Variants in KAZN observed in about 807,000 individuals in gnomAD.
The protein encoded by KAZN is kazrin.
Under a neutral mutation model 87.4 loss-of-function variants are expected in KAZN, and 40 were observed. The ratio of observed to expected loss-of-function variants is 0.46; its 90% CI spans 0.36 to 0.60. KAZN has a LOEUF of 0.60. Ranked by LOEUF, KAZN falls within the 20% of genes least tolerant of loss-of-function variation. The probability of loss-of-function intolerance (pLI) is 0.00; values close to 1 mark genes in which losing one functional copy is unlikely to be tolerated. For synonymous variants in KAZN, 466 were observed against 458.3 expected (o/e 1.02, Z -0.22); for missense variants, 898 against 1,073.9 (o/e 0.84, Z 2.29).
At chr1:14,724,436 T>C (rs1643282166) in intron 1 of KAZN, among the ~76,000 whole-genome samples, 1 of 152,196 alleles carries the variant, frequency 6.6e-6, no homozygotes, top group South Asian at 2.1e-4. Context: ...ACCTTTTTTG[T>C]GGCCTTAATT....
At chr1:14,114,438 T>C (rs1200436726) in intron 1 of KAZN, among the ~76,000 whole-genome samples, 2 of 152,088 alleles carry the variant, frequency 1.3e-5, no homozygotes, top group African/African-American at 2.4e-5. Flanking sequence ...AACCACACTC[T>C]ACTCTCCAGC....
At chr1:14,104,139 G>T (rs749542608) in intron 1 of KAZN, among the ~76,000 whole-genome samples, 4 of 152,196 alleles carry the variant, frequency 2.6e-5, no homozygotes, top group Non-Finnish European at 5.9e-5. Context: ...TACCAGAGCT[G>T]GGGACGAGGG....
At chr1:14,361,538 G>A (rs555231884) in intron 2 of KAZN, among the ~76,000 whole-genome samples, 1 of 152,376 alleles carries the variant, frequency 6.6e-6, no homozygotes, top group Non-Finnish European at 1.5e-5. Flanking sequence ...CCAAATGGCT[G>A]CCCAGTTTTG....
At chr1:14,587,895 G>A (rs769228646) in intron 2 of KAZN, among the ~76,000 whole-genome samples, 3 of 152,102 alleles carry the variant, frequency 2.0e-5, no homozygotes, top group Non-Finnish European at 4.4e-5. Context: ...CCTCAGTTCA[G>A]GTGTGTATAT....
At chr1:14,291,788 A>G (rs1395172536) in intron 2 of KAZN, among the ~76,000 whole-genome samples, 2 of 152,180 alleles carry the variant, frequency 1.3e-5, no homozygotes, top group African/African-American at 4.8e-5. Context: ...GGAGCAGCAG[A>G]CCAGAGCTGT....
intron 1 of KAZN, among the ~76,000 whole-genome samples, chr1:13,974,952 A>C (rs1638256367): frequency 1.3e-5 from 2 of 152,194 alleles, no homozygotes; most frequent in South Asian, 4.1e-4. Flanking sequence ...GTAATTTGCT[A>C]TCAGATGATC....
chr1:14,650,318 C>A (rs1638280351), intron 1 of KAZN, among the ~76,000 whole-genome samples: 1 of 152,114 alleles, frequency 6.6e-6, no homozygotes, highest in South Asian at 2.1e-4. Context: ...ACTTTGGCAA[C>A]CCAAGCTGGA....
chr1:15,097,332 C>T (rs975739107), intron 10 of KAZN, among the ~76,000 whole-genome samples: 4 of 152,082 alleles, frequency 2.6e-5, no homozygotes, highest in African/African-American at 7.2e-5. Context: ...AGTTCATCTT[C>T]GAGAACATTT....
At chr1:14,296,998 A>ATGTG (rs887286694) in intron 2 of KAZN, among the ~76,000 whole-genome samples, 1 of 151,844 alleles carries the variant, frequency 6.6e-6, no homozygotes, top group African/African-American at 2.4e-5. Context: ...GCATATGTGC[A>ATGTG]TGTGTGTGTG....
intron 2 of KAZN, among the ~76,000 whole-genome samples, chr1:14,269,011 C>T (rs1651714599): frequency 6.6e-6 from 1 of 152,186 alleles, no homozygotes; most frequent in Non-Finnish European, 1.5e-5. Context: ...AGATTTGCTA[C>T]CGGAGCTAAC....
intron 2 of KAZN, among the ~76,000 whole-genome samples, chr1:14,992,575 C>T (rs949985850): frequency 6.6e-6 from 1 of 152,192 alleles, no homozygotes; most frequent in African/African-American, 2.4e-5. Context: ...AACAATTGGT[C>T]TTAGGAACAG....
intron 2 of KAZN, among the ~76,000 whole-genome samples, chr1:14,462,500 T>C (rs1667909807): frequency 6.6e-6 from 1 of 152,202 alleles, no homozygotes; most frequent in Non-Finnish European, 1.5e-5. Flanking sequence ...ATAACCTTGA[T>C]CCTAAAGTCC....
At chr1:14,517,044 T>C (rs546458791) in intron 2 of KAZN, among the ~76,000 whole-genome samples, 2 of 152,144 alleles carry the variant, frequency 1.3e-5, no homozygotes, top group African/African-American at 4.8e-5. Flanking sequence ...TCACAGTGGT[T>C]TAGGTGAACT....
chr1:14,876,830 G>A (rs1460503514), intron 1 of KAZN, among the ~76,000 whole-genome samples: 1 of 152,104 alleles, frequency 6.6e-6, no homozygotes, highest in Admixed American at 6.5e-5. Flanking sequence ...TCTAGATTTG[G>A]GGAAGTCTTG....
chr1:14,013,413 G>T (rs1447186220), intron 1 of KAZN, among the ~76,000 whole-genome samples: 1 of 152,166 alleles, frequency 6.6e-6, no homozygotes, highest in Non-Finnish European at 1.5e-5. Context: ...AAAGGAGAAC[G>T]AGAAACAGGG....
At chr1:14,688,080 C>G (rs1641063227) in intron 1 of KAZN, among the ~76,000 whole-genome samples, 1 of 152,158 alleles carries the variant, frequency 6.6e-6, no homozygotes, top group African/African-American at 2.4e-5. Context: ...CCACCCGTGC[C>G]CTAGACGTCT....
chr1:14,204,324 G>A (rs1046571701), intron 2 of KAZN, among the ~76,000 whole-genome samples: 5 of 152,148 alleles, frequency 3.3e-5, no homozygotes, highest in Non-Finnish European at 7.4e-5. Flanking sequence ...GGACATGCCA[G>A]GATTCATTTG....
At chr1:14,653,059 C>T (rs1638554648) in intron 1 of KAZN, among the ~76,000 whole-genome samples, 1 of 152,154 alleles carries the variant, frequency 6.6e-6, no homozygotes, top group Non-Finnish European at 1.5e-5. Flanking sequence ...TACCGTCTTG[C>T]AGGGGAAGTG....
intron 1 of KAZN, among the ~76,000 whole-genome samples, chr1:14,155,545 TTTA>T (rs1645574226): frequency 6.6e-6 from 1 of 152,210 alleles, no homozygotes. Flanking sequence ...TCTTCTGATG[TTTA>T]TTATTTATTT....
Sources: gnomAD v4.1 joint callset for allele counts (sites outside exome capture counted in the v4.1 genomes callset) on GRCh38, gnomAD v4.1.1 for gene constraint, MANE v1.5 for transcripts, NCBI Gene and HGNC (gene_info 2026-07-23, HGNC 2026-07-21) for gene names.